NMT2: variants seen among roughly 807,000 people sequenced by gnomAD.
NMT2 encodes the protein glycylpeptide N-tetradecanoyltransferase 2.
Under a neutral mutation model 65.4 loss-of-function variants are expected in NMT2, and 35 were observed. The ratio of observed to expected loss-of-function variants is 0.54; its 90% CI spans 0.41 to 0.71. The LOEUF (loss-of-function observed/expected upper bound fraction) is 0.71. Among genes scored for constraint, NMT2 ranks in the 30% least tolerant of loss-of-function variants. NMT2 has a pLI of 0.00. For missense variants in NMT2, 489 were observed against 611.3 expected (o/e 0.80, Z 2.11); for synonymous variants, 226 against 231.8 (o/e 0.98, Z 0.23).
intron 1 of NMT2, among the ~76,000 whole-genome samples, chr10:15,146,654 AAGG>A (rs1334651984): frequency 3.3e-5 from 5 of 152,198 alleles, no homozygotes; most frequent in African/African-American, 9.6e-5. Context: ...TGACAGAATG[AAGG>A]AGAACTCCCT....
At chr10:15,128,857 T>C (rs952931087) in intron 7 of NMT2, among the ~76,000 whole-genome samples, 2 of 152,022 alleles carry the variant, frequency 1.3e-5, no homozygotes, top group Non-Finnish European at 2.9e-5. Context: ...ATACAAAAAT[T>C]AGCCAGGCAC....
chr10:15,119,522 AG>A lies in NMT2; in HGVS notation c.1000-10del. ...CCTGAAGTCTTTGTAACCTTGTTGG[AG>A]GGGAAACAAAACAAATCCAGAAGTT... is the stretch of plus-strand genomic sequence containing the variant. On this transcript the variant is annotated splice_polypyrimidine_tract_variant and intron_variant, in intron 8 of 11. Transcript: ENST00000378165. The A allele has an allele frequency of 1.2e-6, 2 of 1,611,820 alleles. No individual in the cohort carries two copies. The highest frequency in any genetic ancestry group is 1.7e-6 in the Non-Finnish European group (2 of 1,178,694).
At chr10:15,117,524 A>T (rs796303073) in intron 9 of NMT2, among the ~76,000 whole-genome samples, 12 of 152,376 alleles carry the variant, frequency 7.9e-5, no homozygotes, top group African/African-American at 2.9e-4. Flanking sequence ...TTCTCAACAA[A>T]GCACTGGAAG....
intron 5 of NMT2, 41 bp downstream of exon 5, chr10:15,133,012 A>G (rs776686872): frequency 6.3e-7 from 1 of 1,598,314 alleles, no homozygotes; most frequent in Non-Finnish European, 8.6e-7. Flanking sequence ...TCCCCAAGTC[A>G]GCAGCGCCTA....
chr10:15,168,458 G>T (rs1346814530), intron 1 of NMT2, 45 bp downstream of exon 1: 1 of 1,435,826 alleles, frequency 7.0e-7, no homozygotes, highest in Non-Finnish European at 9.6e-7. Flanking sequence ...TGGCGCGCGC[G>T]GTCCCCGCCC....
intron 3 of NMT2, among the ~76,000 whole-genome samples, chr10:15,133,650 AATC>A (rs1423473648): frequency 6.6e-6 from 1 of 152,094 alleles, no homozygotes; most frequent in African/African-American, 2.4e-5. Context: ...GCAGTGGTGC[AATC>A]ATGGCTCACT....
rs747880615 is a variant in NMT2 at position 15,106,122 on chromosome 10, T to C, written c.*3073A>G. 136 of 285,188 alleles carry C rather than the reference T, an allele frequency of 4.8e-4. 1 individual carries two copies. Among genetic ancestry groups the C allele is most frequent in the Middle Eastern group, 2.6e-3 (2 of 782 alleles). The allele number at this position is 285,188 out of a possible 1,614,324, so 17.7% of individuals were successfully genotyped here. ...GATTCTCCTGCCTCAGCCTCCTGAA[T>C]AGCTGGGATTACAGGTGCACACCCC... On this transcript the variant is annotated 3_prime_UTR_variant, in exon 12 of 12. Coordinates refer to ENST00000378165, the MANE Select transcript of NMT2 (RefSeq NM_004808.3).
At chr10:15,132,191 A>G (rs748770063) in intron 6 of NMT2, among the ~76,000 whole-genome samples, 25 of 152,062 alleles carry the variant, frequency 1.6e-4, no homozygotes, top group Non-Finnish European at 2.8e-4. Flanking sequence ...TCTGATACAT[A>G]TATGTGTGAG....
rs1564572178 is a variant in NMT2 at position 15,132,945 on chromosome 10, G to T, written c.603-12C>A. 1.9e-6 allele frequency: 3 copies of T among 1,608,258 alleles called. No individual in the cohort carries two copies. The East Asian group carries it at 6.7e-5, about 36-fold the overall frequency. On this transcript the variant is annotated splice_polypyrimidine_tract_variant and intron_variant, in intron 5 of 11. Coordinates refer to ENST00000378165, the MANE Select transcript of NMT2 (RefSeq NM_004808.3). ...GTGGACGCAGAGCCCTGAGGTCACGGTAGACAAGAAAACAGGCACCAGTTA... is the reference window on the plus strand; with the variant it reads ...GTGGACGCAGAGCCCTGAGGTCACGTTAGACAAGAAAACAGGCACCAGTTA...
At chr10:15,136,116 G>A (rs1157941250) in intron 2 of NMT2, among the ~76,000 whole-genome samples, 1 of 151,944 alleles carries the variant, frequency 6.6e-6, no homozygotes, top group Non-Finnish European at 1.5e-5. Flanking sequence ...AGCTACTCGG[G>A]AGGCTGAGGA....
At chr10:15,152,148 C>T (rs1213596382) in intron 1 of NMT2, among the ~76,000 whole-genome samples, 11 of 152,152 alleles carry the variant, frequency 7.2e-5, no homozygotes, top group Non-Finnish European at 1.3e-4. Context: ...AGATGAGAGA[C>T]GGAGAAAACA....
Position 15,107,403 on chromosome 10 carries a change from A to ACTT in NMT2, c.*1789_*1791dup. 1 of 985,434 alleles carries ACTT rather than the reference A, an allele frequency of 1.0e-6. No homozygotes were observed. The highest frequency in any genetic ancestry group is 5.2e-4 in the Middle Eastern group (1 of 1,914). The allele number at this position is 985,434 out of a possible 1,614,324, so 61.0% of individuals were successfully genotyped here. A position where few individuals can be genotyped will look rare whatever the true frequency, so the allele number is the denominator to read the frequency against. ...AATGCCATCATGTCTAAAACAATTA[A>ACTT]CTTCTGCACTGAACTTCCTAGGCAC... On this transcript the variant is annotated 3_prime_UTR_variant, in exon 12 of 12. Transcript: ENST00000378165.
rs114460734 is a variant in NMT2, at chr10:15,135,125, G to C, written c.391+149C>G. On this transcript the variant is annotated intron_variant, in intron 3 of 11. Transcript: ENST00000378165. ...TTATATTTTCAGAAGAAAAATATTAGTCTTGCATAGATTTCCAATCTGTGG... is the reference window on the plus strand; with the variant it reads ...TTATATTTTCAGAAGAAAAATATTACTCTTGCATAGATTTCCAATCTGTGG... 2,717 of 814,100 alleles carry C rather than the reference G, an allele frequency of 3.3e-3. 58 individuals carry two copies. In the African/African-American group the frequency reaches 0.04, roughly 12 times the overall value. The allele number at this position is 814,100 out of a possible 1,614,324, so 50.4% of individuals were successfully genotyped here. A position where few individuals can be genotyped will look rare whatever the true frequency, so the allele number is the denominator to read the frequency against.
intron 8 of NMT2, among the ~76,000 whole-genome samples, chr10:15,127,865 T>C (rs1243510035): frequency 2.7e-5 from 4 of 150,780 alleles, no homozygotes; most frequent in Non-Finnish European, 5.9e-5. Context: ...ATTGTGCCAT[T>C]GCGCTGAAGG....
intron 1 of NMT2, chr10:15,154,703 G>A: frequency 2.0e-6 from 1 of 501,462 alleles, no homozygotes; most frequent in East Asian, 4.3e-5. Context: ...AGAGCACAAA[G>A]ATTCTAGGAT....
intron 3 of NMT2, among the ~76,000 whole-genome samples, chr10:15,134,902 C>G (rs1207342997): frequency 6.6e-6 from 1 of 152,120 alleles, no homozygotes; most frequent in Non-Finnish European, 1.5e-5. Context: ...GGATGGATCA[C>G]TTGAGCCCAG....
rs1016022799 is a variant in NMT2 at position 15,108,004 on chromosome 10, G to A, written c.*1191C>T. On this transcript the variant is annotated 3_prime_UTR_variant, in exon 12 of 12. Coordinates refer to ENST00000378165, the MANE Select transcript of NMT2 (RefSeq NM_004808.3). ...AGCATAGAGGAGTATGTGCAATTTT[G>A]CATAAGTAATAAAAACATTCAAACT... The A allele has an allele frequency of 3.0e-5, 30 of 985,648 alleles. No homozygotes were observed. The highest frequency in any genetic ancestry group is 3.5e-5 in the Non-Finnish European group (29 of 829,896). The allele number at this position is 985,648 out of a possible 1,614,324, so 61.1% of individuals were successfully genotyped here. A position where few individuals can be genotyped will look rare whatever the true frequency, so the allele number is the denominator to read the frequency against.
chr10:15,151,154 G>C (rs2131603300), intron 1 of NMT2, among the ~76,000 whole-genome samples: 1 of 151,578 alleles, frequency 6.6e-6, no homozygotes, highest in South Asian at 2.1e-4. Context: ...CGCCTCCTGG[G>C]TTCAGGCAAT....
intron 1 of NMT2, among the ~76,000 whole-genome samples, chr10:15,158,294 T>C (rs1366266067): frequency 1.4e-5 from 2 of 147,304 alleles, no homozygotes; most frequent in Admixed American, 1.4e-4. Flanking sequence ...CCAGCCTGGG[T>C]AACAGAGAGA....
Sources: allele counts gnomAD v4.1 joint callset (sites outside exome capture counted in the v4.1 genomes callset), GRCh38; gene constraint gnomAD v4.1.1; transcripts MANE v1.5; gene names NCBI Gene and HGNC (gene_info 2026-07-23, HGNC 2026-07-21).